Variants in RYR3 observed in about 807,000 individuals in gnomAD.
The protein encoded by RYR3 is brain ryanodine receptor-calcium release channel.
A neutral mutation model predicts 584.3 loss-of-function variants in RYR3; 207 were observed. The ratio of observed to expected loss-of-function variants is 0.35; its 90% CI spans 0.32 to 0.40. The LOEUF (loss-of-function observed/expected upper bound fraction) is 0.40, where lower values mean the gene tolerates loss of function less well. Ranked by LOEUF, RYR3 falls within the 10% of genes least tolerant of loss-of-function variation. RYR3 has a pLI of 1.00. For missense variants in RYR3, 5,616 were observed against 6,089.2 expected, an observed-to-expected ratio of 0.92 and a Z score of 2.59; for synonymous variants, 2,416 against 2,248.5, an observed-to-expected ratio of 1.07 and a Z score of -2.11.
At chr15:33,768,807 G>C in intron 61 of RYR3, 100 bp downstream of exon 61, 1 of 1,135,696 alleles carries the variant, frequency 8.8e-7, no homozygotes, top group South Asian at 1.2e-5. Flanking sequence ...CGGGCCTTGG[G>C]ACTAAGGTGT....
chr15:33,550,275 T>G lies in RYR3; in HGVS notation c.931T>G (p.Ser311Ala), dbSNP rs1463036109. 1 of 1,613,462 alleles carries G rather than the reference T, an allele frequency of 6.2e-7. No homozygotes were observed. The highest frequency in any genetic ancestry group is 8.5e-7 in the Non-Finnish European group (1 of 1,179,730). ...CCTTATACTGCAAGACCGGGCAAAG[T>G]CAGACACCAAGTCCACAGCTTTCTC... is the stretch of plus-strand genomic sequence containing the variant. ...QGLILQDRAK[S>A]DTKSTAFSFR... Residue 311 changes from serine (S) to alanine (A), a missense_variant, in exon 10 of 104, where the codon TCA becomes GCA. Physicochemically the swap from Ser to Ala is moderately conservative, Grantham distance 99. Coordinates refer to ENST00000634891, the MANE Select transcript of RYR3 (RefSeq NM_001036.6).
chr15:33,547,519 T>G (rs945817405), intron 8 of RYR3, among the ~76,000 whole-genome samples: 1 of 152,168 alleles, frequency 6.6e-6, no homozygotes, highest in East Asian at 1.9e-4. Context: ...TGGACTATCT[T>G]TAGTAACTGT....
intron 46 of RYR3, among the ~76,000 whole-genome samples, chr15:33,727,616 G>T (rs2068575846): frequency 6.6e-6 from 1 of 152,136 alleles, no homozygotes; most frequent in Non-Finnish European, 1.5e-5. Context: ...AGCCATTCAG[G>T]GCAGGAGAGG....
intron 48 of RYR3, among the ~76,000 whole-genome samples, chr15:33,733,048 G>A (rs1486612922): frequency 6.6e-6 from 1 of 152,230 alleles, no homozygotes; most frequent in African/African-American, 2.4e-5. Context: ...CAATGAGATA[G>A]CACTACACAC....
At chr15:33,829,278 A>G (rs2077538863) in intron 85 of RYR3, among the ~76,000 whole-genome samples, 1 of 152,240 alleles carries the variant, frequency 6.6e-6, no homozygotes, top group Non-Finnish European at 1.5e-5. Flanking sequence ...ATGCCTGCTA[A>G]TACAAGATTT....
At chr15:33,513,422 T>TTTA (rs1246321222) in intron 3 of RYR3, among the ~76,000 whole-genome samples, 1 of 152,162 alleles carries the variant, frequency 6.6e-6, no homozygotes, top group Non-Finnish European at 1.5e-5. Context: ...ACTATCTGGT[T>TTTA]TTAGAATGGA....
At position 33,466,655 on chromosome 15, in the gene RYR3, T is replaced by A. The variant is rs542236346; in HGVS notation, c.52-6764T>A. Among the ~76,000 whole-genome samples, 15 of 152,332 alleles carry A rather than the reference T, an allele frequency of 9.8e-5. No individual in the cohort carries two copies. The East Asian group carries it at 2.7e-3, about 27-fold the overall frequency. On this transcript the variant is annotated intron_variant, in intron 1 of 103. Transcript: ENST00000634891. ...CTTTCATAATGTGTGCAAAATGAGA[T>A]TAATAATATTTCTATGTCTCATGGG...
intron 93 of RYR3, among the ~76,000 whole-genome samples, chr15:33,846,240 T>C (rs1309803721): frequency 6.6e-6 from 1 of 152,234 alleles, no homozygotes; most frequent in African/African-American, 2.4e-5. Context: ...TCCTAGGTCT[T>C]AGGCCCAGAA....
chr15:33,588,357 A>G (rs1481119893), intron 16 of RYR3, among the ~76,000 whole-genome samples: 1 of 152,166 alleles, frequency 6.6e-6, no homozygotes, highest in Non-Finnish European at 1.5e-5. Context: ...TTAGAATCCA[A>G]ATGCTCTGTG....
intron 1 of RYR3, among the ~76,000 whole-genome samples, chr15:33,329,579 T>C (rs369115675): frequency 1.4e-4 from 22 of 151,896 alleles, no homozygotes; most frequent in African/African-American, 5.1e-4. Context: ...CTTTTGAGCA[T>C]CTTTGTCGAA....
chr15:33,625,369 GTA>G (rs1203691994), intron 20 of RYR3, among the ~76,000 whole-genome samples: 1 of 152,162 alleles, frequency 6.6e-6, no homozygotes, highest in African/African-American at 2.4e-5. Flanking sequence ...TATCATTTCA[GTA>G]TTTCTCTGCC....
At position 33,800,766 on chromosome 15, in the gene RYR3, C is replaced by A. The variant is rs746776094; in HGVS notation, c.9831-4C>A. The A allele has an allele frequency of 1.2e-6, 2 of 1,610,114 alleles. No individual in the cohort carries two copies. Among genetic ancestry groups the A allele is most frequent in the East Asian group, 2.2e-5 (1 of 44,852 alleles). On this transcript the variant is annotated splice_polypyrimidine_tract_variant and splice_region_variant and intron_variant, in intron 67 of 103. Coordinates refer to ENST00000634891, the MANE Select transcript of RYR3 (RefSeq NM_001036.6). ...AATGCCTGTTTATTTACTTTTGGAC[C>A]CAGATCTAACTGGCTGAAAAGTCCT...
intron 42 of RYR3, among the ~76,000 whole-genome samples, chr15:33,705,995 T>A (rs967974626): frequency 6.6e-6 from 1 of 152,200 alleles, no homozygotes; most frequent in Non-Finnish European, 1.5e-5. Context: ...GAACTGACAG[T>A]ACATGGTGTG....
rs2058585329 is a variant in RYR3 at position 33,581,427 on chromosome 15, T to C, written c.1438-81T>C. The C allele has an allele frequency of 4.4e-6, 6 of 1,376,210 alleles. No homozygotes were observed. In the Middle Eastern group the frequency reaches 5.6e-4, roughly 127 times the overall value. The allele number at this position is 1,376,210 out of a possible 1,614,324, so 85.2% of individuals were successfully genotyped here. Reference sequence around the variant, plus strand: ...GGCATTTTCAGCTTTAAAAGGTGAATGATACAGGAGGGGAAAGAGCATAAG... The same window carrying C: ...GGCATTTTCAGCTTTAAAAGGTGAACGATACAGGAGGGGAAAGAGCATAAG... On this transcript the variant is annotated intron_variant, in intron 13 of 103. Coordinates refer to ENST00000634891, the MANE Select transcript of RYR3 (RefSeq NM_001036.6).
intron 38 of RYR3, among the ~76,000 whole-genome samples, chr15:33,695,401 T>C (rs981643349): frequency 2.0e-5 from 3 of 152,026 alleles, no homozygotes; most frequent in Admixed American, 2.0e-4. Context: ...AGTTCAGTGA[T>C]CTTTCCTTTA....
chr15:33,830,408 G>A (rs1403740766), intron 85 of RYR3, among the ~76,000 whole-genome samples: 3 of 152,168 alleles, frequency 2.0e-5, no homozygotes, highest in Non-Finnish European at 4.4e-5. Flanking sequence ...ATGATGGCAC[G>A]TACATTGTTT....
At chr15:33,696,057 A>G (rs2065839849) in intron 38 of RYR3, among the ~76,000 whole-genome samples, 161 bp from the exon 39 acceptor site, 1 of 149,452 alleles carries the variant, frequency 6.7e-6, no homozygotes, top group African/African-American at 2.5e-5. Context: ...AGCCTCCCAA[A>G]TTGCTAGGAT....
intron 69 of RYR3, among the ~76,000 whole-genome samples, chr15:33,804,707 A>T (rs918191677): frequency 6.6e-6 from 1 of 152,212 alleles, no homozygotes; most frequent in Non-Finnish European, 1.5e-5. Context: ...TTAGGGCAGG[A>T]GTATTCTTCC....
chr15:33,602,390 A>G (rs2059708090), intron 17 of RYR3, among the ~76,000 whole-genome samples: 1 of 152,166 alleles, frequency 6.6e-6, no homozygotes, highest in East Asian at 1.9e-4. Flanking sequence ...CTTTCCCTTA[A>G]TGAGGTTGCC....
Sources: gnomAD v4.1 joint callset for allele counts (sites outside exome capture counted in the v4.1 genomes callset) on GRCh38, gnomAD v4.1.1 for gene constraint, MANE v1.5 for transcripts, NCBI Gene and HGNC (gene_info 2026-07-23, HGNC 2026-07-21) for gene names.